Variants in PHF6 observed in about 807,000 individuals in gnomAD.
PHF6 encodes the protein PHD-like zinc finger protein.
In PHF6, 7 loss-of-function variants were observed where a neutral mutation model predicts 34.0. The ratio of observed to expected loss-of-function variants is 0.21; its 90% CI spans 0.12 to 0.39. The LOEUF is 0.39. PHF6 is among the 10% of genes least tolerant of loss of function. The pLI is 1.00. For synonymous variants in PHF6, 89 were observed against 88.4 expected (o/e 1.01, Z -0.04); for missense variants, 128 against 262.8 (o/e 0.49, Z 3.55).
intron 5 of PHF6, among the ~76,000 whole-genome samples, chrX:134,402,757 C>A (rs898402184): frequency 8.9e-6 from 1 of 112,303 alleles, no homozygotes; most frequent in Non-Finnish European, 1.9e-5. Flanking sequence ...CTTTCAGCAT[C>A]ATTTTTTCCG....
intron 5 of PHF6, among the ~76,000 whole-genome samples, chrX:134,397,543 G>C (rs2124225404): frequency 9.0e-6 from 1 of 111,698 alleles, no homozygotes; most frequent in East Asian, 2.8e-4. Context: ...CAGCTACTCA[G>C]GAGGCTGAAG....
At chrX:134,384,800 C>T (rs2077324130) in intron 3 of PHF6, among the ~76,000 whole-genome samples, 1 of 110,203 alleles carries the variant, frequency 9.1e-6, no homozygotes, top group South Asian at 3.9e-4. Context: ...TACAGGCGCC[C>T]ACCACCGCTC....
chrX:134,410,385 A>G (rs902092995), intron 5 of PHF6, among the ~76,000 whole-genome samples: 1 of 111,538 alleles, frequency 9.0e-6, no homozygotes, highest in Non-Finnish European at 1.9e-5. Flanking sequence ...GCTTTTAATA[A>G]CTATTTAAAG....
rs191677380 is a variant in PHF6 at position 134,414,770 on chromosome X, C to A, written c.730-246C>A. 1.8e-4 allele frequency among the ~76,000 whole-genome samples: 20 copies of A among 111,860 alleles called. No individual in the cohort carries two copies. The East Asian group carries it at 5.5e-3, about 31-fold the overall frequency. ...AATAGAGTGACATTGTTGAAATTTT[C>A]ATTGCTTAAAGCAGGCTATTTAATC... is the stretch of plus-strand genomic sequence containing the variant. On this transcript the variant is annotated intron_variant, in intron 7 of 10. Transcript: ENST00000370803.
chrX:134,417,495 A>G, intron 9 of PHF6, 193 bp downstream of exon 9: 1 of 414,606 alleles, frequency 2.4e-6, no homozygotes, highest in South Asian at 3.7e-5. Flanking sequence ...GCATTCATCC[A>G]TCCAATATTA....
At chrX:134,421,721 C>T (rs930163508) in intron 9 of PHF6, among the ~76,000 whole-genome samples, 5 of 108,455 alleles carry the variant, frequency 4.6e-5, no homozygotes, top group Non-Finnish European at 9.5e-5. Flanking sequence ...TTCTCTTAGA[C>T]GTTTATGTGA....
chrX:134,381,241 C>T (rs1602692526), intron 3 of PHF6, among the ~76,000 whole-genome samples: 1 of 111,067 alleles, frequency 9.0e-6, no homozygotes, highest in African/African-American at 3.3e-5. Flanking sequence ...ATGTAACATA[C>T]GTTTAGGTTT....
intron 5 of PHF6, among the ~76,000 whole-genome samples, chrX:134,394,601 C>T (rs1210207214): frequency 1.9e-5 from 2 of 105,692 alleles, no homozygotes; most frequent in Non-Finnish European, 3.9e-5. Context: ...AGTGCAGTGG[C>T]GTGATCTTGG....
rs2077511729 is a variant in PHF6 at position 134,427,686 on chromosome X, A to G, written c.*2026A>G. The G allele has an allele frequency of 6.2e-6, 1 of 161,230 alleles. No homozygotes were observed. Among genetic ancestry groups the G allele is most frequent in the Non-Finnish European group, 1.2e-5 (1 of 83,251 alleles). 13.3% of individuals were successfully genotyped at this position (161,230 alleles called of 1,213,427 possible). On this transcript the variant is annotated 3_prime_UTR_variant, in exon 11 of 11. Transcript: ENST00000370803. ...CACTTTACCTTTTGGTTGGCTAGATAAGTGGCTGACTACCTGTTTTTCTCA... is the reference window on the plus strand; with the variant it reads ...CACTTTACCTTTTGGTTGGCTAGATGAGTGGCTGACTACCTGTTTTTCTCA...
At chrX:134,415,971 T>A (rs898131346) in intron 8 of PHF6, among the ~76,000 whole-genome samples, 1 of 110,696 alleles carries the variant, frequency 9.0e-6, no homozygotes, top group Non-Finnish European at 1.9e-5. Context: ...TATTTTTTTA[T>A]TTTTTTGAGA....
chrX:134,412,743 T>C (rs1366653916), intron 5 of PHF6, among the ~76,000 whole-genome samples: 1 of 112,440 alleles, frequency 8.9e-6, no homozygotes, highest in Non-Finnish European at 1.9e-5. Flanking sequence ...GAAATGCAGT[T>C]CTCAAATTTC....
chrX:134,390,219 G>T (rs1023546142), intron 3 of PHF6, among the ~76,000 whole-genome samples: 39 of 111,850 alleles, frequency 3.5e-4, no homozygotes, highest in Non-Finnish European at 7.0e-4. Flanking sequence ...GATAATTTTT[G>T]CTATTTTGTT....
chrX:134,373,983 C>T (rs752456598), intron 1 of PHF6, among the ~76,000 whole-genome samples: 165 of 110,439 alleles, frequency 1.5e-3, no homozygotes, highest in African/African-American at 5.4e-3. Context: ...ATGATATTTT[C>T]CTAGATTCGG....
intron 5 of PHF6, among the ~76,000 whole-genome samples, chrX:134,412,084 T>C (rs769766882): frequency 8.9e-6 from 1 of 112,520 alleles, no homozygotes; most frequent in Non-Finnish European, 1.9e-5. Flanking sequence ...TTAAAAATTG[T>C]CAGTTTGAAT....
At position 134,427,455 on chromosome X, in the gene PHF6, C is replaced by T. The variant is rs899603453; in HGVS notation, c.*1795C>T. On this transcript the variant is annotated 3_prime_UTR_variant, in exon 11 of 11. Coordinates refer to ENST00000370803, the MANE Select transcript of PHF6 (RefSeq NM_001015877.2). Reference sequence around the variant, plus strand: ...TGCCATAGACTTACCCATGGGACAACAGAGCTCCTTCATTTTTGGACAACT... The same window carrying T: ...TGCCATAGACTTACCCATGGGACAATAGAGCTCCTTCATTTTTGGACAACT... 6 of 158,744 alleles carry T rather than the reference C, an allele frequency of 3.8e-5. No individual in the cohort carries two copies. Among genetic ancestry groups the T allele is most frequent in the African/African-American group, 6.1e-5 (2 of 32,928 alleles). The allele number at this position is 158,744 out of a possible 1,213,427, so 13.1% of individuals were successfully genotyped here.
At position 134,427,104 on chromosome X, in the gene PHF6, A is replaced by G. The variant is rs1374161881; in HGVS notation, c.*1444A>G. ...GAGTCCCTTAAGATCACGTTTGTCA[A>G]GTGTGTATTCACACATTTACTTAAA... On this transcript the variant is annotated 3_prime_UTR_variant, in exon 11 of 11. Coordinates refer to ENST00000370803, the MANE Select transcript of PHF6 (RefSeq NM_001015877.2). 1 of 165,164 alleles carries G rather than the reference A, an allele frequency of 6.1e-6. No homozygotes were observed. The highest frequency in any genetic ancestry group is 1.2e-5 in the Non-Finnish European group (1 of 85,540). 13.6% of individuals were successfully genotyped at this position (165,164 alleles called of 1,213,427 possible).
chrX:134,408,372 C>T (rs2077434487), intron 5 of PHF6, among the ~76,000 whole-genome samples: 1 of 111,877 alleles, frequency 8.9e-6, no homozygotes, highest in African/African-American at 3.3e-5. Context: ...ATGGGGTTGC[C>T]AAGTCAAAGG....
chrX:134,385,225 A>G (rs1165242199), intron 3 of PHF6, among the ~76,000 whole-genome samples: 1 of 110,897 alleles, frequency 9.0e-6, no homozygotes. Context: ...CGGTGCCTGT[A>G]CTGATGTTCA....
chrX:134,394,729 T>C (rs1464346757), intron 5 of PHF6, among the ~76,000 whole-genome samples: 7 of 109,459 alleles, frequency 6.4e-5, no homozygotes, highest in African/African-American at 2.3e-4. Context: ...TTAGTAGAGA[T>C]GGGGTTTCAC....
Sources: allele counts gnomAD v4.1 joint callset (sites outside exome capture counted in the v4.1 genomes callset), GRCh38; gene constraint gnomAD v4.1.1; transcripts MANE v1.5; gene names NCBI Gene and HGNC (gene_info 2026-07-23, HGNC 2026-07-21).